Variants in PLB1 observed in about 807,000 individuals in gnomAD.
PLB1 encodes phospholipase B1, also known as phospholipase B1, membrane-associated.
In PLB1, 242 loss-of-function variants were observed where a neutral mutation model predicts 227.4. The observed-to-expected ratio is 1.06, with a 90% confidence interval of 0.96 to 1.18. The LOEUF is 1.18. PLB1 is among the 50% of genes most tolerant of loss of function. The pLI is 0.00. For synonymous variants in PLB1, 757 were observed against 682.2 expected, an observed-to-expected ratio of 1.11 and a Z score of -1.71; for missense variants, 1,858 against 1,816.3, an observed-to-expected ratio of 1.02 and a Z score of -0.42.
chr2:28,573,302 C>G lies in PLB1; in HGVS notation c.1430C>G (p.Ala477Gly). 1 of 1,612,130 alleles carries G rather than the reference C, an allele frequency of 6.2e-7. No individual in the cohort carries two copies. Among genetic ancestry groups the G allele is most frequent in the South Asian group, 1.1e-5 (1 of 91,008 alleles). ...FLNQAVAGGR[A>G]EDLPVQARRL... is the part of the protein sequence containing the mutation. ...AACCAGGCTGTGGCAGGAGGCCGAGCTGAGTAAGCAGGGGTGACCGGGGCG... is the reference window on the plus strand; with the variant it reads ...AACCAGGCTGTGGCAGGAGGCCGAGGTGAGTAAGCAGGGGTGACCGGGGCG... Residue 477 changes from alanine (A) to glycine (G), a missense_variant, in exon 21 of 58, where the codon GCT becomes GGT. Transcript: ENST00000327757.
At chr2:28,636,766 A>G (rs536636198) in intron 56 of PLB1, among the ~76,000 whole-genome samples, 53 of 152,306 alleles carry the variant, frequency 3.5e-4, no homozygotes, top group African/African-American at 1.3e-3. Context: ...ACAACATACA[A>G]TAATATCTAT....
intron 42 of PLB1, 97 bp from the exon 43 acceptor site, chr2:28,606,399 G>T (rs930137059): frequency 1.1e-5 from 14 of 1,269,864 alleles, no homozygotes; most frequent in Non-Finnish European, 1.2e-5. Flanking sequence ...CTGAAATCGA[G>T]TTCTGAGCTT....
In PLB1 at chr2:28,598,744, C is replaced by G. The variant is rs554962779; in HGVS notation, c.2458C>G (p.Pro820Ala). The change falls in exon 35 of 58, where the codon CCC (proline) becomes GCC (alanine). Residue 820 changes from proline to alanine, a missense_variant. Coordinates refer to ENST00000327757, the MANE Select transcript of PLB1 (RefSeq NM_153021.5). ...GAATGCATTCCTCAATCAAGCTGTTCCCGGAGCAAAGGCTGAGTATGGCAT... is the reference window on the plus strand; with the variant it reads ...GAATGCATTCCTCAATCAAGCTGTTGCCGGAGCAAAGGCTGAGTATGGCAT... ...DTNAFLNQAV[P>A]GAKAEDLMSQ... 2.4e-5 allele frequency: 39 copies of G among 1,613,916 alleles called. No individual in the cohort carries two copies. In the East Asian group the frequency reaches 3.1e-4, roughly 13 times the overall value.
intron 21 of PLB1, among the ~76,000 whole-genome samples, chr2:28,574,360 G>T (rs1678547846): frequency 1.1e-5 from 1 of 88,958 alleles, no homozygotes; most frequent in Non-Finnish European, 2.3e-5. Flanking sequence ...TCCTCTCTGA[G>T]TCCCCAAAGT....
chr2:28,606,221 G>A (rs1573383779), intron 42 of PLB1, among the ~76,000 whole-genome samples: 1 of 152,258 alleles, frequency 6.6e-6, no homozygotes, highest in East Asian at 1.9e-4. Flanking sequence ...CTATGTGCCG[G>A]CCACCATGTT....
Position 28,553,006 on chromosome 2 carries a change from C to T in PLB1, c.1147+15C>T, listed in dbSNP as rs1397464698. 1.2e-6 allele frequency: 2 copies of T among 1,609,776 alleles called. No homozygotes were observed. The highest frequency in any genetic ancestry group is 1.7e-6 in the Non-Finnish European group (2 of 1,176,128). ...TCCCACCTCAGGTACACAGCTTGCACCCAGTGATTTTAAAATTCATTCGAG... is the reference window on the plus strand; with the variant it reads ...TCCCACCTCAGGTACACAGCTTGCATCCAGTGATTTTAAAATTCATTCGAG... On this transcript the variant is annotated intron_variant, in intron 17 of 57. Transcript: ENST00000327757.
chr2:28,604,102 C>A, intron 40 of PLB1, 55 bp downstream of exon 40: 1 of 1,504,364 alleles, frequency 6.6e-7, no homozygotes, highest in Non-Finnish European at 9.3e-7. Context: ...CACTCTAACA[C>A]ACAGCCCAGA....
At chr2:28,569,984 G>C (rs112596683) in intron 20 of PLB1, among the ~76,000 whole-genome samples, 1 of 36,312 alleles carries the variant, frequency 2.8e-5, no homozygotes, top group Non-Finnish European at 1.7e-4. Flanking sequence ...AAAAAAGAAA[G>C]AAAAAAGAAA....
At chr2:28,566,903 C>A (rs778156242) in intron 20 of PLB1, 64 bp downstream of exon 20, 4 of 1,588,244 alleles carry the variant, frequency 2.5e-6, no homozygotes, top group Non-Finnish European at 2.6e-6. Context: ...TCCCGCTCCC[C>A]CTGCAGGTGG....
rs369610326 is a variant in PLB1 at position 28,543,221 on chromosome 2, C to T, written c.889C>T (p.Arg297Ter). The T allele has an allele frequency of 1.2e-5, 19 of 1,610,840 alleles. No homozygotes were observed. The East Asian group carries it at 1.3e-4, about 11-fold the overall frequency. ...TTPSLHSEDP[R>*]LQDSTTLAWH... ...ACTGGTTCTCTTTTAGGAGGACCCC[C>T]GACTCCAGGATTCTACCACGCTGGC... is the stretch of plus-strand genomic sequence containing the variant. Residue 297 changes from arginine (R) to a stop codon, truncating the protein, a stop_gained, in exon 14 of 58, where the codon CGA becomes TGA. Transcript: ENST00000327757. LOFTEE classifies it high-confidence loss of function.
intron 8 of PLB1, among the ~76,000 whole-genome samples, chr2:28,531,552 C>T (rs1463999058): frequency 6.6e-6 from 1 of 152,182 alleles, no homozygotes; most frequent in African/African-American, 2.4e-5. Flanking sequence ...CTCAGGTGAT[C>T]CGCCCAACTC....
intron 33 of PLB1, 34 bp from the exon 34 acceptor site, chr2:28,597,971 C>G: frequency 6.3e-7 from 1 of 1,596,106 alleles, no homozygotes; most frequent in Non-Finnish European, 8.6e-7. Flanking sequence ...ATATGTCTCT[C>G]CCTCTCATTC....
chr2:28,534,140 C>T (rs566255364), intron 9 of PLB1, among the ~76,000 whole-genome samples: 44 of 152,172 alleles, frequency 2.9e-4, no homozygotes, highest in African/African-American at 1.0e-3. Context: ...GAGATCTAGT[C>T]ATGTTGACAT....
rs771852934 is a variant in PLB1 at position 28,573,202 on chromosome 2, C to T, written c.1330C>T (p.Leu444Phe). Residue 444 changes from leucine (L) to phenylalanine (F), a missense_variant, in exon 21 of 58, where the codon CTC (leucine) becomes TTC (phenylalanine). Leu to Phe is a conservative substitution (Grantham distance 22). Coordinates refer to ENST00000327757, the MANE Select transcript of PLB1 (RefSeq NM_153021.5). ...TCTTTTCCTTGTATTTGCAGACATC[C>T]TCCGGGAATTCAACCCTTCCCTGAA... ...IGTVTTLANI[L>F]REFNPSLKGF... The T allele has an allele frequency of 1.2e-6, 2 of 1,612,500 alleles. No individual in the cohort carries two copies. The highest frequency in any genetic ancestry group is 2.7e-5 in the African/African-American group (2 of 74,884).
rs527913135 is a variant in PLB1 at position 28,626,374 on chromosome 2, C to T, written c.3580-54C>T. 6.0e-6 allele frequency: 9 copies of T among 1,505,090 alleles called. No homozygotes were observed. In the Admixed American group the frequency reaches 8.4e-5, roughly 14 times the overall value. 93.2% of individuals were successfully genotyped at this position (1,505,090 alleles called of 1,614,324 possible). On this transcript the variant is annotated intron_variant, in intron 50 of 57. Transcript: ENST00000327757. ...GGCGGGCGGGCTGGCCCAGTAGCAACATTTGTATGTGCCTCCCACCAAGGC... is the reference window on the plus strand; with the variant it reads ...GGCGGGCGGGCTGGCCCAGTAGCAATATTTGTATGTGCCTCCCACCAAGGC...
chr2:28,546,115 T>G (rs35358507), intron 14 of PLB1, among the ~76,000 whole-genome samples: 5,823 of 152,280 alleles, frequency 0.038, 152 homozygotes, highest in South Asian at 0.08. Context: ...TGCCTGGAAC[T>G]GTCCTGGCTG....
Position 28,603,997 on chromosome 2 carries a change from G to A in PLB1, c.2806G>A (p.Glu936Lys). 3 of 1,614,236 alleles carry A rather than the reference G, an allele frequency of 1.9e-6. No homozygotes were observed. Among genetic ancestry groups the A allele is most frequent in the Non-Finnish European group, 2.5e-6 (3 of 1,180,030 alleles). The stretch of plus-strand genomic sequence containing the variant: ...GTGTAACTGCGTTCTGACCCTGCGG[G>A]AGAACTCCCAAGAGCTAGCCAGGCT... ...VLCNCVLTLR[E>K]NSQELARLEA... Residue 936 changes from glutamate (E) to lysine (K), a missense_variant, in exon 40 of 58, where the codon GAG (glutamate) becomes AAG (lysine). Transcript: ENST00000327757.
chr2:28,621,238 C>T (rs1475730651), intron 49 of PLB1, among the ~76,000 whole-genome samples: 1 of 152,112 alleles, frequency 6.6e-6, no homozygotes, highest in Admixed American at 6.5e-5. Context: ...GAATCAGGAG[C>T]CTTTGCTCTG....
In PLB1 at chr2:28,581,344, G is replaced by A. The variant is rs539382659; in HGVS notation, c.1567-724G>A. Among the ~76,000 whole-genome samples the A allele has an allele frequency of 5.3e-5, 8 of 151,946 alleles. No individual in the cohort carries two copies. In the South Asian group the frequency reaches 1.5e-3, roughly 28 times the overall value. On this transcript the variant is annotated intron_variant, in intron 23 of 57. Coordinates refer to ENST00000327757, the MANE Select transcript of PLB1 (RefSeq NM_153021.5). ...ACTGAGGCTCCAAGAAAAAGAGATC[G>A]GGCCATAGGACAGAGGCTGCTCAGA...
Sources: allele counts gnomAD v4.1 joint callset (sites outside exome capture counted in the v4.1 genomes callset), GRCh38; gene constraint gnomAD v4.1.1; transcripts MANE v1.5; gene names NCBI Gene and HGNC (gene_info 2026-07-23, HGNC 2026-07-21).